ALK: variants seen among roughly 807,000 people sequenced by gnomAD.
ALK encodes the protein ALK tyrosine kinase receptor.
In ALK, 74 loss-of-function variants were observed where a neutral mutation model predicts 163.1. The observed-to-expected ratio is 0.45, with a 90% CI of 0.38 to 0.55. The LOEUF (loss-of-function observed/expected upper bound fraction) is 0.55. ALK is among the 20% of genes least tolerant of loss of function. The probability of loss-of-function intolerance (pLI) is 0.00; values close to 1 mark genes in which losing one functional copy is unlikely to be tolerated. For synonymous variants in ALK, 960 were observed against 843.2 expected (o/e 1.14, Z -2.40); for missense variants, 2,063 against 2,105.3 (o/e 0.98, Z 0.39).
chr2:29,282,510 G>A (rs893951957), intron 9 of ALK, among the ~76,000 whole-genome samples: 1 of 152,146 alleles, frequency 6.6e-6, no homozygotes, highest in African/African-American at 2.4e-5. Flanking sequence ...CAGTAAACTG[G>A]AGATGAGCTG....
At chr2:29,328,226 G>A in intron 6 of ALK, 124 bp downstream of exon 6, 2 of 1,379,518 alleles carry the variant, frequency 1.4e-6, no homozygotes, top group South Asian at 1.2e-5. Flanking sequence ...TGCCATGAGA[G>A]GAGTCACAAG....
chr2:29,788,689 G>T (rs1265003692), intron 1 of ALK, among the ~76,000 whole-genome samples: 4 of 152,302 alleles, frequency 2.6e-5, no homozygotes, highest in Admixed American at 2.0e-4. Flanking sequence ...AAAGGGACAG[G>T]AAGAGCTTCT....
intron 26 of ALK, among the ~76,000 whole-genome samples, chr2:29,203,536 G>A (rs1373999936): frequency 1.7e-4 from 13 of 76,900 alleles, no homozygotes; most frequent in African/African-American, 4.4e-4. Flanking sequence ...TTGCTCTGTC[G>A]CCCAGGCTAC....
chr2:29,572,056 C>T (rs1007121606), intron 3 of ALK, among the ~76,000 whole-genome samples: 1 of 152,162 alleles, frequency 6.6e-6, no homozygotes, highest in Non-Finnish European at 1.5e-5. Context: ...GGGAAAGGAG[C>T]TCAGCTCCCT....
intron 1 of ALK, among the ~76,000 whole-genome samples, chr2:29,747,428 A>G (rs1680233031): frequency 6.6e-6 from 1 of 152,228 alleles, no homozygotes; most frequent in African/African-American, 2.4e-5. Context: ...ACCAATAAAA[A>G]TGGAAGTTTC....
intron 3 of ALK, among the ~76,000 whole-genome samples, chr2:29,597,540 A>G (rs1045527968): frequency 2.0e-5 from 3 of 152,220 alleles, no homozygotes; most frequent in African/African-American, 7.2e-5. Flanking sequence ...TTAATTCCTA[A>G]CAGGAAAGGT....
chr2:29,771,002 T>C (rs1311058834), intron 1 of ALK, among the ~76,000 whole-genome samples: 1 of 133,388 alleles, frequency 7.5e-6, no homozygotes, highest in Non-Finnish European at 1.5e-5. Context: ...GACACACACA[T>C]GCACACATAC....
chr2:29,868,111 G>A (rs964147012), intron 1 of ALK, among the ~76,000 whole-genome samples: 5 of 152,224 alleles, frequency 3.3e-5, no homozygotes, highest in African/African-American at 1.2e-4. Context: ...GTAGTGATGA[G>A]CAGAAAGGCT....
intron 9 of ALK, among the ~76,000 whole-genome samples, chr2:29,292,934 G>A (rs1040970910): frequency 1.3e-5 from 2 of 152,154 alleles, no homozygotes; most frequent in Admixed American, 6.5e-5. Flanking sequence ...TCTGACTAGA[G>A]CCCTTTTCTC....
Position 29,377,175 on chromosome 2 carries a change from T to G in ALK, c.1282+6557A>C, listed in dbSNP as rs111789835. ...ACATCTAGGACCAGACCATAAAAAC[T>G]GGAGTTAATAGGAGAGCTGAGGCCG... is the stretch of plus-strand genomic sequence containing the variant. On this transcript the variant is annotated intron_variant, in intron 5 of 28. Transcript: ENST00000389048. 1.1e-4 allele frequency among the ~76,000 whole-genome samples: 17 copies of G among 152,206 alleles called. 1 individual carries two copies. The highest frequency in any genetic ancestry group is 4.1e-4 in the African/African-American group (17 of 41,536).
intron 3 of ALK, among the ~76,000 whole-genome samples, chr2:29,584,773 T>C (rs987422035): frequency 6.6e-6 from 1 of 152,198 alleles, no homozygotes; most frequent in Non-Finnish European, 1.5e-5. Context: ...ATTTGAAAAG[T>C]CATTGTAAGC....
chr2:29,527,028 C>G (rs1001760637), intron 4 of ALK, among the ~76,000 whole-genome samples: 25 of 152,166 alleles, frequency 1.6e-4, no homozygotes, highest in Non-Finnish European at 2.9e-5. Context: ...TCCTGCTGCC[C>G]TAGTCCTGGA....
In ALK at chr2:29,749,641, G is replaced by A. The variant is rs1018263310; in HGVS notation, c.668-31944C>T. ...TGCTCCATAGGGCGGTGGGCCCATC[G>A]TTCTCAGTCCCCAAAGCAAAGGAGG... On this transcript the variant is annotated intron_variant, in intron 1 of 28. Transcript: ENST00000389048. Among the ~76,000 whole-genome samples, 7 of 152,110 alleles carry A rather than the reference G, an allele frequency of 4.6e-5. No individual in the cohort carries two copies. The East Asian group carries it at 5.8e-4, about 13-fold the overall frequency.
At chr2:29,570,910 C>A (rs55699783) in intron 3 of ALK, among the ~76,000 whole-genome samples, 27,351 of 151,940 alleles carry the variant, frequency 0.18, 2,748 homozygotes, top group East Asian at 0.27. Flanking sequence ...AAGCAGGAAA[C>A]ACAAAATCTT....
intron 2 of ALK, among the ~76,000 whole-genome samples, chr2:29,715,490 A>G (rs1056175036): frequency 1.3e-5 from 2 of 152,154 alleles, no homozygotes; most frequent in South Asian, 2.1e-4. Context: ...GGAGCACCAC[A>G]TGGTTTATCA....
At chr2:29,788,478 G>A (rs780454544) in intron 1 of ALK, among the ~76,000 whole-genome samples, 12 of 152,250 alleles carry the variant, frequency 7.9e-5, no homozygotes, top group Admixed American at 2.0e-4. Context: ...ATGGACTCCC[G>A]GGTCTGGGAG....
At chr2:29,899,298 C>A (rs901983435) in intron 1 of ALK, among the ~76,000 whole-genome samples, 3 of 152,162 alleles carry the variant, frequency 2.0e-5, no homozygotes, top group African/African-American at 7.2e-5. Flanking sequence ...CCAGTGAGGG[C>A]CTTCGGGAAA....
chr2:29,425,430 G>A (rs1670112971), intron 4 of ALK, among the ~76,000 whole-genome samples: 1 of 152,156 alleles, frequency 6.6e-6, no homozygotes, highest in African/African-American at 2.4e-5. Flanking sequence ...AGGTAAGCAT[G>A]GCCAAGAAGT....
chr2:29,724,396 T>A lies in ALK; in HGVS notation c.668-6699A>T, dbSNP rs949053845. On this transcript the variant is annotated intron_variant, in intron 1 of 28. Transcript: ENST00000389048. ...GTGGCCAAATAAATAGTGGTCTGGA[T>A]GTCAAATCAGGCACAGCTCTCAGAG... is the stretch of plus-strand genomic sequence containing the variant. 9.9e-5 allele frequency among the ~76,000 whole-genome samples: 15 copies of A among 152,274 alleles called. No individual in the cohort carries two copies. The South Asian group carries it at 2.9e-3, about 30-fold the overall frequency.
Sources: gnomAD v4.1 joint callset for allele counts (sites outside exome capture counted in the v4.1 genomes callset) on GRCh38, gnomAD v4.1.1 for gene constraint, MANE v1.5 for transcripts, NCBI Gene and HGNC (gene_info 2026-07-23, HGNC 2026-07-21) for gene names.